The following MYOM2 variants were observed in gnomAD, a reference collection of about 807,000 sequenced individuals.
MYOM2 encodes myomesin 2.
In MYOM2, 254 loss-of-function variants were observed where a neutral mutation model predicts 187.6. The ratio of observed to expected loss-of-function variants is 1.35; its 90% CI spans 1.22 to 1.50. The LOEUF (loss-of-function observed/expected upper bound fraction) is 1.50. MYOM2 is among the 40% of genes most tolerant of loss of function. The pLI is 0.00. For synonymous variants in MYOM2, 981 were observed against 753.8 expected, an observed-to-expected ratio of 1.30 and a Z score of -4.94; for missense variants, 2,796 against 1,924.0, an observed-to-expected ratio of 1.45 and a Z score of -8.48.
At position 2,107,217 on chromosome 8, in the gene MYOM2, G is replaced by C. The variant is rs141878603; in HGVS notation, c.2998+620G>C. Among the ~76,000 whole-genome samples the C allele has an allele frequency of 5.1e-3, 776 of 152,174 alleles. 8 individuals carry two copies. Among genetic ancestry groups the C allele is most frequent in the African/African-American group, 0.018 (740 of 41,516 alleles). On this transcript the variant is annotated intron_variant, in intron 23 of 36. Transcript: ENST00000262113. ...AGCATCACGTGTATTTGTGTGGCCC[G>C]TCATCTACCCCACCCACAGGACAGC...
At chr8:2,065,641 C>G (rs551451039) in intron 6 of MYOM2, among the ~76,000 whole-genome samples, 1 of 152,242 alleles carries the variant, frequency 6.6e-6, no homozygotes, top group African/African-American at 2.4e-5. Context: ...CCCAGTGTTT[C>G]TTCTTATTCT....
chr8:2,136,851 A>G (rs1033879688), intron 32 of MYOM2, among the ~76,000 whole-genome samples: 2 of 152,238 alleles, frequency 1.3e-5, no homozygotes, highest in Non-Finnish European at 2.9e-5. Context: ...AACGTAGTCC[A>G]GCAGAACATA....
chr8:2,086,278 A>C lies in MYOM2; in HGVS notation c.1644+888A>C, dbSNP rs1253200038. On this transcript the variant is annotated intron_variant, in intron 14 of 36. Coordinates refer to ENST00000262113, the MANE Select transcript of MYOM2 (RefSeq NM_003970.4). ...TGGCCCCACTGTCATGATCTCTGGC[A>C]CCCCACTGTCGTGATCTCCGCGTGG... Among the ~76,000 whole-genome samples, 67 of 59,970 alleles carry C rather than the reference A, an allele frequency of 1.1e-3. 7 individuals carry two copies. Among genetic ancestry groups the C allele is most frequent in the Non-Finnish European group, 1.9e-3 (49 of 25,292 alleles). The allele number at this position is 59,970 out of a possible 152,430, so 39.3% of individuals were successfully genotyped here.
At chr8:2,109,105 T>G (rs1585921338) in intron 24 of MYOM2, among the ~76,000 whole-genome samples, 1 of 152,242 alleles carries the variant, frequency 6.6e-6, no homozygotes, top group East Asian at 1.9e-4. Context: ...TCCTATCAAG[T>G]GAAATCTTCT....
Position 2,123,252 on chromosome 8 carries a change from G to A in MYOM2, c.3454G>A (p.Val1152Ile). The change falls in exon 29 of 37, where the codon GTT becomes ATT. Residue 1152 changes from valine to isoleucine, a missense_variant and splice_region_variant. Coordinates refer to ENST00000262113, the MANE Select transcript of MYOM2 (RefSeq NM_003970.4). ...TAAACTTAAGCTTTCTACCTCACAG[G>A]TTGCAAACACCAAGAAAGAAACCGT... The part of the protein sequence containing the change: ...EECEVRLVCK[V>I]ANTKKETVFK... 3 of 1,605,916 alleles carry A rather than the reference G, an allele frequency of 1.9e-6. No homozygotes were observed. The highest frequency in any genetic ancestry group is 2.6e-6 in the Non-Finnish European group (3 of 1,175,054).
chr8:2,085,013 G>A, intron 13 of MYOM2: 1 of 458,642 alleles, frequency 2.2e-6, no homozygotes, highest in Non-Finnish European at 3.8e-6. Context: ...ATCTCTGGAA[G>A]ACTTTCGGGT....
At chr8:2,054,089 C>A (rs1003497031) in intron 3 of MYOM2, among the ~76,000 whole-genome samples, 1 of 152,162 alleles carries the variant, frequency 6.6e-6, no homozygotes, top group Non-Finnish European at 1.5e-5. Flanking sequence ...TATTAGAATT[C>A]ACCACTCTCA....
intron 3 of MYOM2, among the ~76,000 whole-genome samples, chr8:2,055,086 C>T (rs867660823): frequency 7.0e-5 from 8 of 113,992 alleles, no homozygotes; most frequent in Non-Finnish European, 9.9e-5. Context: ...ACTGGGGGAA[C>T]GAAGTACCTG....
Position 2,098,995 on chromosome 8 carries a change from C to G in MYOM2, c.2440+12C>G, listed in dbSNP as rs1294792959. The G allele has an allele frequency of 1.3e-6, 2 of 1,592,324 alleles. No individual in the cohort carries two copies. The highest frequency in any genetic ancestry group is 2.7e-5 in the African/African-American group (2 of 74,476). On this transcript the variant is annotated intron_variant, in intron 19 of 36. Transcript: ENST00000262113. ...CATGCCGGAGCCCGGTGAGTCGCTG[C>G]CCCCAGGACACCCGCGTTCCAGCGC...
At chr8:2,143,900 GCTC>G (rs1798366126) in intron 36 of MYOM2, among the ~76,000 whole-genome samples, 1 of 152,188 alleles carries the variant, frequency 6.6e-6, no homozygotes, top group Non-Finnish European at 1.5e-5. Context: ...AAAAATCTCT[GCTC>G]CTATTCTCAA....
At chr8:2,104,626 A>T (rs1796831905) in intron 21 of MYOM2, among the ~76,000 whole-genome samples, 1 of 151,560 alleles carries the variant, frequency 6.6e-6, no homozygotes. Context: ...AGAAAAAAAA[A>T]GTTTATTTGG....
chr8:2,084,988 C>A, intron 13 of MYOM2: 1 of 411,000 alleles, frequency 2.4e-6, no homozygotes, highest in Non-Finnish European at 4.3e-6. Context: ...AAATCCTTCC[C>A]CCTCTTCCAA....
At chr8:2,123,424 G>A (rs1797526577) in intron 29 of MYOM2, 59 bp downstream of exon 29, 4 of 1,494,252 alleles carry the variant, frequency 2.7e-6, no homozygotes, top group Non-Finnish European at 3.7e-6. Context: ...CAAATAACTC[G>A]TAAATTCTAC....
Position 2,076,220 on chromosome 8 carries a change from C to T in MYOM2, c.1200C>T (p.Ile400=), listed in dbSNP as rs777575299. 33 of 1,613,542 alleles carry T rather than the reference C, an allele frequency of 2.0e-5. No homozygotes were observed. The East Asian group carries it at 2.9e-4, about 14-fold the overall frequency. The change falls in exon 11 of 37, where the codon ATC becomes ATT. Residue 400 remains isoleucine (I), a synonymous_variant. Transcript: ENST00000262113. ...ACGACGCCAACCGGGACTACGTCAT[C>T]GTGACCTGGAAGCCGCCCAACACCA... The part of the protein sequence containing the change: ...QCHDANRDYV[I]VTWKPPNTTT...
At chr8:2,071,052 T>G (rs539125018) in intron 8 of MYOM2, among the ~76,000 whole-genome samples, 1 of 152,272 alleles carries the variant, frequency 6.6e-6, no homozygotes, top group South Asian at 2.1e-4. Flanking sequence ...ACTGCAGCCT[T>G]GATCTCCCTG....
chr8:2,129,031 C>A, intron 31 of MYOM2, 96 bp from the exon 32 acceptor site: 1 of 757,178 alleles, frequency 1.3e-6, no homozygotes, highest in South Asian at 1.6e-5. Context: ...AACAGGATTG[C>A]AGGTGGGGAC....
At chr8:2,073,002 GGGGGGAAGCC>G (rs1227480387) in intron 9 of MYOM2, among the ~76,000 whole-genome samples, 1 of 152,194 alleles carries the variant, frequency 6.6e-6, no homozygotes, top group Non-Finnish European at 1.5e-5. Flanking sequence ...CCCCACGGGC[GGGGGGAAGCC>G]GGTTGGGGCA....
intron 32 of MYOM2, among the ~76,000 whole-genome samples, chr8:2,130,307 G>A (rs181187904): frequency 5.6e-4 from 79 of 142,042 alleles, no homozygotes; most frequent in African/African-American, 2.2e-3. Flanking sequence ...CCCGCCTTTA[G>A]TTAACGCCCC....
intron 13 of MYOM2, among the ~76,000 whole-genome samples, chr8:2,083,352 GTGTGCTTAGTGGCATCTAGCA>G (rs1254252343): frequency 1.3e-5 from 2 of 152,156 alleles, no homozygotes; most frequent in Non-Finnish European, 2.9e-5. Flanking sequence ...GGTATCTTAT[GTGTGCTTAGTGGCATCTAGCA>G]TGTGCTTAGC....
Sources: allele counts gnomAD v4.1 joint callset (sites outside exome capture counted in the v4.1 genomes callset), GRCh38; gene constraint gnomAD v4.1.1; transcripts MANE v1.5; gene names NCBI Gene and HGNC (gene_info 2026-07-23, HGNC 2026-07-21).